Variants in CDH12 observed in about 807,000 individuals in gnomAD.
CDH12 encodes the protein cadherin-12.
In CDH12, 41 loss-of-function variants were observed where a neutral mutation model predicts 74.1. The ratio of observed to expected loss-of-function variants is 0.55; its 90% CI spans 0.43 to 0.72. The LOEUF (loss-of-function observed/expected upper bound fraction) is 0.72. Ranked by LOEUF, CDH12 falls within the 30% of genes least tolerant of loss-of-function variation. The pLI, the probability that CDH12 is intolerant of heterozygous loss-of-function variation, is 0.00. For synonymous variants in CDH12, 399 were observed against 355.0 expected (o/e 1.12, Z -1.39); for missense variants, 945 against 977.2 (o/e 0.97, Z 0.44).
At chr5:22,716,018 T>TCAC (rs1743557934) in intron 1 of CDH12, among the ~76,000 whole-genome samples, 1 of 151,798 alleles carries the variant, frequency 6.6e-6, no homozygotes, top group Non-Finnish European at 1.5e-5. Flanking sequence ...GTGCCTGTAA[T>TCAC]CTCAGCTACT....
In CDH12 at chr5:21,760,693, T is replaced by A. The variant is rs747743702; in HGVS notation, c.1516-18A>T. The A allele has an allele frequency of 7.0e-7, 1 of 1,421,980 alleles. No individual in the cohort carries two copies. The highest frequency in any genetic ancestry group is 1.4e-5 in the African/African-American group (1 of 71,396). The allele number at this position is 1,421,980 out of a possible 1,614,324, so 88.1% of individuals were successfully genotyped here. A position where few individuals can be genotyped will look rare whatever the true frequency, so the allele number is the denominator to read the frequency against. On this transcript the variant is annotated intron_variant, in intron 12 of 14. Transcript: ENST00000382254. ...TGAATTATCTGCAACAGAGTTGAGA[T>A]TAAAGTCGGTCATCAGTTTCAAAGA...
intron 14 of CDH12, 99 bp downstream of exon 14, chr5:21,755,492 G>C: frequency 9.5e-7 from 1 of 1,057,158 alleles, no homozygotes; most frequent in Non-Finnish European, 1.4e-6. Flanking sequence ...ATAAAAACTT[G>C]TTTACATGAT....
chr5:22,484,573 T>C (rs1334521378), intron 2 of CDH12, among the ~76,000 whole-genome samples: 1 of 152,222 alleles, frequency 6.6e-6, no homozygotes, highest in Non-Finnish European at 1.5e-5. Flanking sequence ...AGTACTGACA[T>C]GGACTCAATT....
chr5:22,316,753 G>T (rs573104717), intron 3 of CDH12, among the ~76,000 whole-genome samples: 1 of 151,876 alleles, frequency 6.6e-6, no homozygotes, highest in African/African-American at 2.4e-5. Context: ...TCATCATCTC[G>T]ATATGTAAAA....
At chr5:22,616,329 G>T (rs1460897314) in intron 1 of CDH12, among the ~76,000 whole-genome samples, 2 of 152,156 alleles carry the variant, frequency 1.3e-5, no homozygotes, top group East Asian at 3.9e-4. Flanking sequence ...GGTAGCAATA[G>T]AAAATTAGTA....
chr5:22,733,332 C>A (rs1215972998), intron 1 of CDH12, among the ~76,000 whole-genome samples: 1 of 151,700 alleles, frequency 6.6e-6, no homozygotes, highest in East Asian at 1.9e-4. Flanking sequence ...AGTTATAATC[C>A]TAAGCATATT....
At position 21,833,043 on chromosome 5, in the gene CDH12, AAT is replaced by A. The variant is rs1403896073; in HGVS notation, c.814+9116_814+9117del. Among the ~76,000 whole-genome samples the A allele has an allele frequency of 6.6e-4, 49 of 74,554 alleles. 1 individual carries two copies. Among genetic ancestry groups the A allele is most frequent in the African/African-American group, 2.8e-3 (48 of 17,434 alleles). 48.9% of individuals were successfully genotyped at this position (74,554 alleles called of 152,430 possible). A position where few individuals can be genotyped will look rare whatever the true frequency, so the allele number is the denominator to read the frequency against. On this transcript the variant is annotated intron_variant, in intron 8 of 14. Transcript: ENST00000382254. The stretch of plus-strand genomic sequence containing the variant: ...ATATAATATATAATATATAATATAT[AAT>A]ATATATTATATGTTATATAACATAT...
At chr5:21,810,068 A>G (rs1022749683) in intron 9 of CDH12, among the ~76,000 whole-genome samples, 2 of 152,084 alleles carry the variant, frequency 1.3e-5, no homozygotes, top group African/African-American at 4.8e-5. Flanking sequence ...AGACATCGCA[A>G]TGATTTTGCT....
intron 2 of CDH12, among the ~76,000 whole-genome samples, chr5:22,497,419 ACCTT>A (rs947000571): frequency 1.3e-5 from 2 of 151,806 alleles, no homozygotes; most frequent in Non-Finnish European, 2.9e-5. Context: ...TCTTGTCTCA[ACCTT>A]CCTTCCTTTG....
Position 22,321,207 on chromosome 5 carries a change from C to T in CDH12, c.-333+84050G>A, listed in dbSNP as rs528849136. Among the ~76,000 whole-genome samples, 13 of 151,706 alleles carry T rather than the reference C, an allele frequency of 8.6e-5. No homozygotes were observed. The East Asian group carries it at 9.7e-4, about 11-fold the overall frequency. On this transcript the variant is annotated intron_variant, in intron 3 of 14. Coordinates refer to ENST00000382254, the MANE Select transcript of CDH12 (RefSeq NM_004061.5). ...AGACACATGCACACGTTGTTTATTG[C>T]GGCATTTTTCACAATAGCAAAGACT...
chr5:22,344,382 T>G (rs773430979), intron 3 of CDH12, among the ~76,000 whole-genome samples: 20 of 152,334 alleles, frequency 1.3e-4, no homozygotes, highest in Middle Eastern at 3.4e-3. Flanking sequence ...ATACCAGGGC[T>G]TATTTGAATG....
chr5:22,665,725 T>C (rs1352168280), intron 1 of CDH12, among the ~76,000 whole-genome samples: 4 of 152,202 alleles, frequency 2.6e-5, no homozygotes, highest in Non-Finnish European at 4.4e-5. Context: ...CATATTTTAC[T>C]TTATTTCATT....
intron 1 of CDH12, among the ~76,000 whole-genome samples, chr5:22,826,956 A>T (rs771706634): frequency 6.6e-6 from 1 of 152,246 alleles, no homozygotes; most frequent in African/African-American, 2.4e-5. Context: ...AGAAATTTGC[A>T]TAAGTAACGA....
intron 3 of CDH12, among the ~76,000 whole-genome samples, chr5:22,250,967 G>C (rs1288229788): frequency 1.3e-5 from 2 of 152,168 alleles, no homozygotes; most frequent in Non-Finnish European, 2.9e-5. Context: ...CTAAAATAAG[G>C]AGTGAAACAT....
At chr5:22,780,046 A>T (rs1266122344) in intron 1 of CDH12, among the ~76,000 whole-genome samples, 1 of 152,158 alleles carries the variant, frequency 6.6e-6, no homozygotes, top group Admixed American at 6.6e-5. Context: ...TTTGGTTTTT[A>T]AAATAAGCAA....
intron 1 of CDH12, among the ~76,000 whole-genome samples, chr5:22,616,453 C>T (rs1201740948): frequency 2.0e-5 from 3 of 151,830 alleles, no homozygotes; most frequent in Non-Finnish European, 2.9e-5. Flanking sequence ...TTTAAAATTC[C>T]TTAGGAAAAA....
chr5:22,231,001 C>T (rs567899633), intron 3 of CDH12, among the ~76,000 whole-genome samples: 20 of 152,286 alleles, frequency 1.3e-4, no homozygotes, highest in Middle Eastern at 6.8e-3. Context: ...ATTCTTGTGA[C>T]TTAAATTGCA....
chr5:21,842,190 A>T lies in CDH12; in HGVS notation c.785T>A (p.Val262Asp). 2 of 1,612,682 alleles carry T rather than the reference A, an allele frequency of 1.2e-6. No homozygotes were observed. Among genetic ancestry groups the T allele is most frequent in the Non-Finnish European group, 1.7e-6 (2 of 1,179,454 alleles). Residue 262 changes from valine (V) to aspartate (D), a missense_variant, in exon 8 of 15, where the codon GTC (valine) becomes GAC (aspartate). This residue lies in a region of CDH12 where 791 missense variants were observed against 792.8 expected (regional missense o/e 1.00). Coordinates refer to ENST00000382254, the MANE Select transcript of CDH12 (RefSeq NM_004061.5). ...TTIVNITLTDVNDNPPRFPKS... is the reference protein window; with the variant it reads ...TTIVNITLTDDNDNPPRFPKS... The stretch of plus-strand genomic sequence containing the variant: ...GGGGAATCGAGGTGGATTGTCATTG[A>T]CATCGGTGAGAGTGATGTTGACTAT...
At chr5:22,344,775 T>A (rs949566781) in intron 3 of CDH12, among the ~76,000 whole-genome samples, 1 of 152,206 alleles carries the variant, frequency 6.6e-6, no homozygotes, top group Non-Finnish European at 1.5e-5. Context: ...AGTGTACAGA[T>A]GCATCATCAA....
Sources: gnomAD v4.1 joint callset for allele counts (sites outside exome capture counted in the v4.1 genomes callset) on GRCh38, gnomAD v4.1.1 for gene constraint, gnomAD v4.1.1 regional missense constraint, MANE v1.5 for transcripts, NCBI Gene and HGNC (gene_info 2026-07-23, HGNC 2026-07-21) for gene names.